The following VPS13D variants were observed in gnomAD, a reference collection of about 807,000 sequenced individuals.
VPS13D encodes intermembrane lipid transfer protein VPS13D.
A neutral mutation model predicts 461.9 loss-of-function variants in VPS13D; 187 were observed. The observed-to-expected ratio is 0.40, with a 90% CI of 0.36 to 0.46. The LOEUF (loss-of-function observed/expected upper bound fraction) is 0.46, where lower values mean the gene tolerates loss of function less well. VPS13D is among the 20% of genes least tolerant of loss of function. The probability of loss-of-function intolerance (pLI) is 0.60; values close to 1 mark genes in which losing one functional copy is unlikely to be tolerated. For missense variants in VPS13D, 4,711 were observed against 5,364.9 expected (o/e 0.88, Z 3.81); for synonymous variants, 1,951 against 1,986.3 (o/e 0.98, Z 0.47).
chr1:12,340,773 T>G (rs1404554710), intron 40 of VPS13D, among the ~76,000 whole-genome samples: 1 of 152,102 alleles, frequency 6.6e-6, no homozygotes, highest in East Asian at 1.9e-4. Context: ...CACACCTCCC[T>G]TTTTTTTGTT....
intron 30 of VPS13D, among the ~76,000 whole-genome samples, chr1:12,316,112 G>A (rs191091810): frequency 4.6e-5 from 7 of 152,128 alleles, no homozygotes; most frequent in Non-Finnish European, 1.0e-4. Context: ...ACCGTGCCCG[G>A]CCGAGAAACA....
At chr1:12,423,660 C>G (rs1296563762) in intron 65 of VPS13D, among the ~76,000 whole-genome samples, 1 of 152,160 alleles carries the variant, frequency 6.6e-6, no homozygotes, top group Non-Finnish European at 1.5e-5. Flanking sequence ...CCCTTTGTCC[C>G]AGGACACCAG....
intron 57 of VPS13D, 138 bp downstream of exon 57, chr1:12,379,734 G>A: frequency 1.8e-6 from 1 of 540,686 alleles, no homozygotes; most frequent in Non-Finnish European, 3.2e-6. Context: ...TTCCATTTTA[G>A]TTAAAAGGAA....
At chr1:12,286,608 A>T (rs532516328) in intron 21 of VPS13D, among the ~76,000 whole-genome samples, 19 of 152,266 alleles carry the variant, frequency 1.2e-4, no homozygotes, top group Admixed American at 1.2e-3. Flanking sequence ...TAACAAGTGG[A>T]TGTTAGCTCT....
chr1:12,270,488 G>C (rs368340581), intron 16 of VPS13D, among the ~76,000 whole-genome samples: 16 of 151,960 alleles, frequency 1.1e-4, no homozygotes, highest in African/African-American at 3.6e-4. Context: ...AATATAGAAG[G>C]CATTTCCTTT....
At chr1:12,262,157 T>C (rs1463799319) in intron 13 of VPS13D, 77 bp downstream of exon 13, 14 of 1,487,508 alleles carry the variant, frequency 9.4e-6, no homozygotes, top group Non-Finnish European at 1.2e-5. Flanking sequence ...CATTATTTGC[T>C]GTGGGGATAG....
chr1:12,507,323 A>G lies in VPS13D; in HGVS notation c.13035+230A>G, dbSNP rs1460036555. ...ACCCTGGGAACATTAACTGCCTCACAACGTTTGTGCCTCAGTTACCCGTAG... is the reference window on the plus strand; with the variant it reads ...ACCCTGGGAACATTAACTGCCTCACGACGTTTGTGCCTCAGTTACCCGTAG... On this transcript the variant is annotated intron_variant, in intron 69 of 69. Transcript: ENST00000620676. The surrounding 1 kb of genome is among the most constrained non-coding windows in gnomAD (Gnocchi z 5.3). 1 of 770,646 alleles carries G rather than the reference A, an allele frequency of 1.3e-6. No individual in the cohort carries two copies. Among genetic ancestry groups the G allele is most frequent in the Non-Finnish European group, 2.3e-6 (1 of 430,616 alleles). 47.7% of individuals were successfully genotyped at this position (770,646 alleles called of 1,614,324 possible). A position where few individuals can be genotyped will look rare whatever the true frequency, so the allele number is the denominator to read the frequency against.
At chr1:12,461,084 C>G (rs1021602868) in intron 67 of VPS13D, among the ~76,000 whole-genome samples, 1 of 152,108 alleles carries the variant, frequency 6.6e-6, no homozygotes, top group African/African-American at 2.4e-5. Flanking sequence ...GCTTGAATGG[C>G]CTATTTTAGC....
At chr1:12,471,921 G>GA (rs113476726) in intron 67 of VPS13D, among the ~76,000 whole-genome samples, 6 of 148,594 alleles carry the variant, frequency 4.0e-5, no homozygotes, top group Non-Finnish European at 7.5e-5. Flanking sequence ...CTTTAAAAAA[G>GA]AAAAAAAAAA....
rs1359855888 is a variant in VPS13D at position 12,283,514 on chromosome 1, T to C, written c.5412T>C (p.Asn1804=). 6.2e-7 allele frequency: 1 copy of C among 1,614,232 alleles called. No homozygotes were observed. Among genetic ancestry groups the C allele is most frequent in the Non-Finnish European group, 8.5e-7 (1 of 1,180,022 alleles). ...KKHPEFSSSY[N]RVNRSIDVDF... is the part of the protein sequence containing the mutation. ...ATCCAGAATTCTCTTCCAGTTACAA[T>C]CGAGTTAACCGGAGCATTGATGTTG... Residue 1804 remains asparagine (N), a synonymous_variant, in exon 21 of 70, where the codon AAT becomes AAC. Transcript: ENST00000620676.
intron 34 of VPS13D, 104 bp downstream of exon 34, chr1:12,322,850 G>A (rs913475969): frequency 3.1e-6 from 3 of 975,852 alleles, no homozygotes; most frequent in Non-Finnish European, 4.6e-6. Flanking sequence ...CAGTTTAATT[G>A]TATGTCATTA....
intron 65 of VPS13D, among the ~76,000 whole-genome samples, chr1:12,437,881 T>G (rs913990984): frequency 6.6e-6 from 1 of 152,214 alleles, no homozygotes; most frequent in African/African-American, 2.4e-5. Context: ...TCTTTCCAGC[T>G]GTTGGGATGG....
At chr1:12,317,041 A>G (rs1331640730) in intron 30 of VPS13D, among the ~76,000 whole-genome samples, 2 of 141,764 alleles carry the variant, frequency 1.4e-5, no homozygotes, top group East Asian at 2.1e-4. Context: ...CTTAGGGGAC[A>G]TTTATCCCTG....
chr1:12,290,518 C>T lies in VPS13D; in HGVS notation c.5726-480C>T, dbSNP rs559369538. ...CGGGCGGATCATGAGGTCAGGAGAT[C>T]GAGACCATCCTGGCTAACACGGTGA... On this transcript the variant is annotated intron_variant, in intron 22 of 69. Coordinates refer to ENST00000620676, the MANE Select transcript of VPS13D (RefSeq NM_015378.4). 1.4e-3 allele frequency among the ~76,000 whole-genome samples: 210 copies of T among 152,022 alleles called. 2 individuals carry two copies. The Middle Eastern group carries it at 0.031, about 22-fold the overall frequency.
chr1:12,450,498 T>C (rs1645249261), intron 65 of VPS13D, among the ~76,000 whole-genome samples: 1 of 152,206 alleles, frequency 6.6e-6, no homozygotes, highest in Non-Finnish European at 1.5e-5. Context: ...ACGTAAAAGC[T>C]ATATGCATTC....
intron 5 of VPS13D, among the ~76,000 whole-genome samples, 181 bp from the exon 6 acceptor site, chr1:12,249,042 A>G (rs1392534925): frequency 6.6e-6 from 1 of 152,124 alleles, no homozygotes; most frequent in Non-Finnish European, 1.5e-5. Context: ...GACACTGGAT[A>G]TGTGTGTGTT....
intron 23 of VPS13D, among the ~76,000 whole-genome samples, chr1:12,291,819 A>G (rs1642140055): frequency 6.6e-6 from 1 of 152,236 alleles, no homozygotes; most frequent in African/African-American, 2.4e-5. Flanking sequence ...ATGTAGCTCT[A>G]AAAGTTCTGG....
At position 12,507,164 on chromosome 1, in the gene VPS13D, C is replaced by T. The variant is rs1309257524; in HGVS notation, c.13035+71C>T. 14 of 1,608,598 alleles carry T rather than the reference C, an allele frequency of 8.7e-6. No individual in the cohort carries two copies. The highest frequency in any genetic ancestry group is 4.0e-5 in the African/African-American group (3 of 74,846). On this transcript the variant is annotated intron_variant, in intron 69 of 69. Transcript: ENST00000620676. This position sits in a 1 kb window ranked among gnomAD's most constrained non-coding sequence, Gnocchi z 5.3. Reference sequence around the variant, plus strand: ...CCTCGATGCCTCTGCCCTGCTTCCCCGTCCTCAGCAGGAGCTCATTTAGGA... The same window carrying T: ...CCTCGATGCCTCTGCCCTGCTTCCCTGTCCTCAGCAGGAGCTCATTTAGGA...
At chr1:12,329,251 G>A (rs1338232636) in intron 36 of VPS13D, among the ~76,000 whole-genome samples, 2 of 151,334 alleles carry the variant, frequency 1.3e-5, no homozygotes, top group African/African-American at 2.4e-5. Flanking sequence ...GTCTTGCTTT[G>A]TTGCCGGGCT....
Sources: gnomAD v4.1 joint callset for allele counts (sites outside exome capture counted in the v4.1 genomes callset) on GRCh38, gnomAD v4.1.1 for gene constraint, Gnocchi (gnomAD v3.1) non-coding constraint, MANE v1.5 for transcripts, NCBI Gene and HGNC (gene_info 2026-07-23, HGNC 2026-07-21) for gene names.